The following NALF2 variants were observed in gnomAD, a reference collection of about 807,000 sequenced individuals.
The protein encoded by NALF2 is bB57D9.1 (TED protein).
Under a neutral mutation model 24.8 loss-of-function variants are expected in NALF2, and 1 was observed. The observed-to-expected ratio is 0.04, with a 90% CI of 0.01 to 0.19. The LOEUF (loss-of-function observed/expected upper bound fraction) is 0.19. NALF2 is among the 10% of genes least tolerant of loss of function. The pLI is 1.00. For missense variants in NALF2, 458 were observed against 409.6 expected, an observed-to-expected ratio of 1.12 and a Z score of -1.02; for synonymous variants, 254 against 189.8, an observed-to-expected ratio of 1.34 and a Z score of -2.78.
At position 69,505,571 on chromosome X, in the gene NALF2, C is replaced by T. The variant is rs1446561896; in HGVS notation, c.289C>T (p.Leu97=). Residue 97 remains leucine, a synonymous_variant, in exon 1 of 3, where the codon CTG becomes TTG. Coordinates refer to ENST00000252338, the MANE Select transcript of NALF2 (RefSeq NM_015686.3). ...ERQPVPPRAV[L]PLPPPPPGEP... The stretch of plus-strand genomic sequence containing the variant: ...GCAGCCGGTGCCTCCTCGCGCGGTG[C>T]TGCCGCTGCCGCCGCCGCCGCCCGG... 2.0e-6 allele frequency: 2 copies of T among 1,009,240 alleles called. No homozygotes were observed. The highest frequency in any genetic ancestry group is 2.5e-6 in the Non-Finnish European group (2 of 805,509). The allele number at this position is 1,009,240 out of a possible 1,213,427, so 83.2% of individuals were successfully genotyped here. A position where few individuals can be genotyped will look rare whatever the true frequency, so the allele number is the denominator to read the frequency against.
chrX:69,511,940 A>G lies in NALF2; in HGVS notation c.861+5797A>G, dbSNP rs145038216. ...GGTAGGGACATAGGCTGAACCTCAG[A>G]CTCAGGGGCGGGAGTGTGCCTTAGA... is the stretch of plus-strand genomic sequence containing the variant. On this transcript the variant is annotated intron_variant, in intron 1 of 2. Coordinates refer to ENST00000252338, the MANE Select transcript of NALF2 (RefSeq NM_015686.3). Among the ~76,000 whole-genome samples, 837 of 111,569 alleles carry G rather than the reference A, an allele frequency of 7.5e-3. 2 individuals carry two copies. The highest frequency in any genetic ancestry group is 0.014 in the Non-Finnish European group (722 of 53,013).
rs754714563 is a variant in NALF2, at chrX:69,505,783, G to A, written c.501G>A (p.Arg167=). The A allele has an allele frequency of 3.3e-6, 4 of 1,208,760 alleles. No individual in the cohort carries two copies. The highest frequency in any genetic ancestry group is 4.4e-5 in the Admixed American group (2 of 45,892). ...FEPTTPAPPL[R]PPDSLSRAPA... ...CGACTACTCCGGCCCCCCCTCTGCG[G>A]CCCCCTGACTCCCTTTCCCGTGCCC... Residue 167 remains arginine, a synonymous_variant, in exon 1 of 3, where the codon CGG becomes CGA. Transcript: ENST00000252338.
rs746659545 is a variant in NALF2, at chrX:69,530,734, C to T, written c.*778C>T. 1 of 112,425 alleles carries T rather than the reference C, an allele frequency of 8.9e-6. No individual in the cohort carries two copies. Among genetic ancestry groups the T allele is most frequent in the Non-Finnish European group, 1.9e-5 (1 of 53,172 alleles). The allele number at this position is 112,425 out of a possible 1,213,427, so 9.3% of individuals were successfully genotyped here. ...TGGGCGATAAGTGTTGAGGTAGGCT[C>T]GAGAACTGCTCCCCAAATCAGTGAG... On this transcript the variant is annotated 3_prime_UTR_variant, in exon 3 of 3. Transcript: ENST00000252338.
intron 1 of NALF2, among the ~76,000 whole-genome samples, 190 bp downstream of exon 1, chrX:69,506,333 C>T (rs780714421): frequency 8.9e-6 from 1 of 112,932 alleles, no homozygotes; most frequent in Non-Finnish European, 1.9e-5. Context: ...GTCAGGTAAC[C>T]ACCTGGCTAA....
chrX:69,513,920 C>T (rs931815933), intron 1 of NALF2, among the ~76,000 whole-genome samples: 1 of 111,666 alleles, frequency 9.0e-6, no homozygotes, highest in East Asian at 2.8e-4. Flanking sequence ...CAGCCGGGCG[C>T]GGTGGCTCAC....
intron 1 of NALF2, among the ~76,000 whole-genome samples, chrX:69,519,743 A>G (rs1930708827): frequency 8.9e-6 from 1 of 112,389 alleles, no homozygotes; most frequent in African/African-American, 3.2e-5. Context: ...TGGAAACCAC[A>G]TCTTTTGAAA....
rs772274449 is a variant in NALF2 at position 69,505,737 on chromosome X, C to G, written c.455C>G (p.Ser152Cys). The change falls in exon 1 of 3, where the codon TCT (serine) becomes TGT (cysteine). Residue 152 changes from serine (S) to cysteine (C), a missense_variant. Physicochemically the swap from Ser to Cys is moderately radical, Grantham distance 112 (BLOSUM62 -1). Coordinates refer to ENST00000252338, the MANE Select transcript of NALF2 (RefSeq NM_015686.3). ...GLDAACTKLQ[S>C]LQRLFEPTTP... ...GACGCAGCTTGCACCAAATTGCAAT[C>G]TTTGCAGAGACTTTTCGAACCGACT... 9.1e-6 allele frequency: 11 copies of G among 1,211,705 alleles called. No homozygotes were observed. The highest frequency in any genetic ancestry group is 1.2e-5 in the Non-Finnish European group (11 of 895,287).
chrX:69,526,999 G>A (rs141871447), intron 1 of NALF2, among the ~76,000 whole-genome samples: 1 of 112,157 alleles, frequency 8.9e-6, no homozygotes, highest in Non-Finnish European at 1.9e-5. Flanking sequence ...CTCCTGTGTG[G>A]ACAGTGGATT....
At chrX:69,522,979 G>A (rs1018988595) in intron 1 of NALF2, among the ~76,000 whole-genome samples, 1 of 112,529 alleles carries the variant, frequency 8.9e-6, no homozygotes, top group African/African-American at 3.2e-5. Flanking sequence ...TCTGGGAGCG[G>A]AGTGTACCGT....
At position 69,530,092 on chromosome X, in the gene NALF2, C is replaced by T; in HGVS notation, c.*136C>T. ...GGAAATGGGGGAATGACACATCCCC[C>T]CCAACCTACCCCCACCCCAAAAGCA... On this transcript the variant is annotated 3_prime_UTR_variant, in exon 3 of 3. Transcript: ENST00000252338. 4.2e-6 allele frequency: 2 copies of T among 474,932 alleles called. No individual in the cohort carries two copies. The highest frequency in any genetic ancestry group is 7.5e-5 in the South Asian group (2 of 26,534). The allele number at this position is 474,932 out of a possible 1,213,427, so 39.1% of individuals were successfully genotyped here.
At chrX:69,509,617 GCAGA>G (rs1930550202) in intron 1 of NALF2, among the ~76,000 whole-genome samples, 1 of 111,037 alleles carries the variant, frequency 9.0e-6, no homozygotes, top group Non-Finnish European at 1.9e-5. Context: ...AACCCACCTG[GCAGA>G]CAGTGTGTTT....
rs1039376792 is a variant in NALF2 at position 69,530,849 on chromosome X, C to G, written c.*893C>G. The stretch of plus-strand genomic sequence containing the variant: ...GGCTGCAGGCACATGGTTAGACTGC[C>G]GCTGTCTGAAGGACCATATCTTACA... On this transcript the variant is annotated 3_prime_UTR_variant, in exon 3 of 3. Transcript: ENST00000252338. The G allele has an allele frequency of 8.9e-6, 1 of 112,791 alleles. No individual in the cohort carries two copies. Among genetic ancestry groups the G allele is most frequent in the Non-Finnish European group, 1.9e-5 (1 of 53,223 alleles). 9.3% of individuals were successfully genotyped at this position (112,791 alleles called of 1,213,427 possible).
chrX:69,508,576 C>A (rs907882300), intron 1 of NALF2, among the ~76,000 whole-genome samples: 6 of 111,729 alleles, frequency 5.4e-5, no homozygotes, highest in Non-Finnish European at 7.5e-5. Context: ...CCTTTCCCAC[C>A]CTTGTCCAAT....
At chrX:69,512,765 G>T (rs12688850) in intron 1 of NALF2, among the ~76,000 whole-genome samples, 3,296 of 111,316 alleles carry the variant, frequency 0.03, 106 homozygotes, top group East Asian at 0.21. Context: ...AGGTCTGTCT[G>T]TTCTTTCTCC....
At chrX:69,508,368 T>C (rs936008541) in intron 1 of NALF2, among the ~76,000 whole-genome samples, 8 of 110,556 alleles carry the variant, frequency 7.2e-5, no homozygotes, top group Non-Finnish European at 1.3e-4. Flanking sequence ...TGAGCAGGAG[T>C]GCCAGGACTC....
In NALF2 at chrX:69,519,704, G is replaced by C. The variant is rs1298716788; in HGVS notation, c.862-9289G>C. Among the ~76,000 whole-genome samples the C allele has an allele frequency of 5.3e-5, 6 of 112,363 alleles. No individual in the cohort carries two copies. The East Asian group carries it at 1.7e-3, about 31-fold the overall frequency. On this transcript the variant is annotated intron_variant, in intron 1 of 2. Transcript: ENST00000252338. Reference sequence around the variant, plus strand: ...GACATGGAAATACAGGGACTCATCTGAATGTGAACAACCAGGCTAACAGAG... The same window carrying C: ...GACATGGAAATACAGGGACTCATCTCAATGTGAACAACCAGGCTAACAGAG...
chrX:69,508,648 C>G (rs191631495), intron 1 of NALF2, among the ~76,000 whole-genome samples: 1 of 111,494 alleles, frequency 9.0e-6, no homozygotes, highest in Non-Finnish European at 1.9e-5. Context: ...ATGATGGGCA[C>G]GAAGGGAAAA....
intron 1 of NALF2, among the ~76,000 whole-genome samples, chrX:69,525,716 A>C (rs1930797710): frequency 9.6e-6 from 1 of 104,312 alleles, no homozygotes. Context: ...CCCTCACCCC[A>C]CTCTTAACCC....
Position 69,530,101 on chromosome X carries a change from C to A in NALF2, c.*145C>A. 1 of 460,653 alleles carries A rather than the reference C, an allele frequency of 2.2e-6. No individual in the cohort carries two copies. The highest frequency in any genetic ancestry group is 3.6e-6 in the Non-Finnish European group (1 of 278,360). The allele number at this position is 460,653 out of a possible 1,213,427, so 38.0% of individuals were successfully genotyped here. ...GGAATGACACATCCCCCCCAACCTA[C>A]CCCCACCCCAAAAGCAGCTCCAACA... On this transcript the variant is annotated 3_prime_UTR_variant, in exon 3 of 3. Coordinates refer to ENST00000252338, the MANE Select transcript of NALF2 (RefSeq NM_015686.3).
Sources: allele counts gnomAD v4.1 joint callset (sites outside exome capture counted in the v4.1 genomes callset), GRCh38; gene constraint gnomAD v4.1.1; transcripts MANE v1.5; gene names NCBI Gene and HGNC (gene_info 2026-07-23, HGNC 2026-07-21).